Variants in CTBP2 observed in about 807,000 individuals in gnomAD.
CTBP2 encodes C-terminal binding protein 2.
CTBP2 carries 30 observed loss-of-function variants against 80.3 expected under a neutral mutation model. The ratio of observed to expected loss-of-function variants is 0.37; its 90% CI spans 0.28 to 0.51. The LOEUF (loss-of-function observed/expected upper bound fraction) is 0.51. Ranked by LOEUF, CTBP2 falls within the 20% of genes least tolerant of loss-of-function variation. The pLI is 0.93. For missense variants in CTBP2, 1,212 were observed against 1,375.3 expected (o/e 0.88, Z 1.88); for synonymous variants, 594 against 587.4 (o/e 1.01, Z -0.16).
chr10:124,994,778 T>G, intron 4 of CTBP2, 95 bp from the exon 7 acceptor site: 1 of 1,234,846 alleles, frequency 8.1e-7, no homozygotes, highest in Non-Finnish European at 1.2e-6. Context: ...GGGCTTGGCA[T>G]CCCCGCTGGT....
chr10:125,130,562 G>A (rs762919691), intron 1 of CTBP2, among the ~76,000 whole-genome samples: 2 of 152,222 alleles, frequency 1.3e-5, no homozygotes, highest in African/African-American at 2.4e-5. Flanking sequence ...CAAGTCACAC[G>A]TGGGCTGCAC....
At chr10:125,122,167 C>T (rs1194563986) in intron 1 of CTBP2, among the ~76,000 whole-genome samples, 1 of 152,234 alleles carries the variant, frequency 6.6e-6, no homozygotes, top group Non-Finnish European at 1.5e-5. Flanking sequence ...CATCAAGTCA[C>T]TAACACTGGG....
intron 2 of CTBP2, among the ~76,000 whole-genome samples, chr10:125,104,572 C>T (rs530050249): frequency 2.0e-4 from 30 of 152,330 alleles, no homozygotes; most frequent in African/African-American, 7.2e-4. Flanking sequence ...TACCTCCTTA[C>T]ACAGGAGTCC....
At chr10:125,092,430 C>T (rs1325895951) in intron 2 of CTBP2, among the ~76,000 whole-genome samples, 1 of 152,086 alleles carries the variant, frequency 6.6e-6, no homozygotes, top group Admixed American at 6.6e-5. Context: ...ATCCATCCTG[C>T]CTCCACCTCC....
At chr10:125,060,550 G>T (rs1210717912) in intron 2 of CTBP2, among the ~76,000 whole-genome samples, 1 of 152,034 alleles carries the variant, frequency 6.6e-6, no homozygotes, top group East Asian at 1.9e-4. Flanking sequence ...TTCTGAGCAA[G>T]TGAAAAACTT....
At chr10:125,138,431 C>A (rs899643474) in intron 1 of CTBP2, among the ~76,000 whole-genome samples, 1 of 152,090 alleles carries the variant, frequency 6.6e-6, no homozygotes, top group East Asian at 1.9e-4. Flanking sequence ...GAAACACATC[C>A]GCGTTTGGTG....
At chr10:125,039,177 C>G (rs1236197678) in intron 2 of CTBP2, 22 bp from the exon 3 acceptor site, 8 of 818,288 alleles carry the variant, frequency 9.8e-6, no homozygotes, top group Non-Finnish European at 1.4e-5. Flanking sequence ...AGAAAAGAAT[C>G]CTTACTCTCT....
At chr10:125,071,573 A>G (rs1381263956) in intron 2 of CTBP2, among the ~76,000 whole-genome samples, 2 of 152,196 alleles carry the variant, frequency 1.3e-5, no homozygotes, top group African/African-American at 4.8e-5. Flanking sequence ...ACAAGATGCA[A>G]ATTAAAACAG....
At chr10:125,051,315 T>C (rs1590342561) in intron 2 of CTBP2, among the ~76,000 whole-genome samples, 3 of 152,296 alleles carry the variant, frequency 2.0e-5, no homozygotes, top group South Asian at 4.1e-4. Flanking sequence ...ATTTATGGTC[T>C]TGATGTCAAT....
At chr10:125,039,827 A>T (rs1959199367) in intron 2 of CTBP2, among the ~76,000 whole-genome samples, 1 of 152,188 alleles carries the variant, frequency 6.6e-6, no homozygotes, top group Non-Finnish European at 1.5e-5. Context: ...TGGCCTTGAC[A>T]CTTGGTTCCA....
chr10:125,044,039 T>C (rs1042016315), intron 2 of CTBP2, among the ~76,000 whole-genome samples: 4 of 152,036 alleles, frequency 2.6e-5, no homozygotes, highest in African/African-American at 4.8e-5. Flanking sequence ...TAAGCATGAG[T>C]GGGGCGCAGA....
intron 2 of CTBP2, among the ~76,000 whole-genome samples, chr10:125,098,645 A>G (rs1337143362): frequency 9.2e-6 from 1 of 108,970 alleles, no homozygotes; most frequent in Non-Finnish European, 1.9e-5. Context: ...CAGAGAGAGA[A>G]ATGGGGGAGG....
chr10:125,005,662 T>C, intron 1 of CTBP2: 2 of 1,612,928 alleles, frequency 1.2e-6, no homozygotes, highest in Non-Finnish European at 1.7e-6. Context: ...CCGACACACA[T>C]GGCTCCCACC....
chr10:125,042,753 C>A (rs1960196537), intron 2 of CTBP2, among the ~76,000 whole-genome samples: 1 of 152,176 alleles, frequency 6.6e-6, no homozygotes, highest in African/African-American at 2.4e-5. Flanking sequence ...TTTGACACCC[C>A]CTTGCACACT....
At chr10:125,105,680 TA>T (rs373785012) in intron 2 of CTBP2, among the ~76,000 whole-genome samples, 5 of 151,636 alleles carry the variant, frequency 3.3e-5, no homozygotes, top group Non-Finnish European at 7.4e-5. Flanking sequence ...GACATTTTTT[TA>T]AAAAAAAACA....
rs1221361709 is a variant in CTBP2, at chr10:125,012,370, G to A, written c.1679-8878C>T. 2.6e-5 allele frequency among the ~76,000 whole-genome samples: 4 copies of A among 152,184 alleles called. No homozygotes were observed. In the East Asian group the frequency reaches 7.7e-4, roughly 29 times the overall value. ...GGGACGGTCCCTGCAGGGACGGGTG[G>A]TCAGGATCTCATGCACAGGATAGGG... On this transcript the variant is annotated intron_variant, in intron 1 of 8. Coordinates refer to ENST00000309035, the MANE Select transcript of CTBP2 (RefSeq NM_022802.3).
chr10:125,125,242 T>C (rs1239461172), intron 1 of CTBP2, among the ~76,000 whole-genome samples: 1 of 152,230 alleles, frequency 6.6e-6, no homozygotes, highest in African/African-American at 2.4e-5. Context: ...TCCAAACTCA[T>C]TCTCATAAGT....
intron 1 of CTBP2, among the ~76,000 whole-genome samples, chr10:125,007,277 C>T (rs1353246169): frequency 2.0e-5 from 3 of 152,238 alleles, no homozygotes; most frequent in Non-Finnish European, 1.5e-5. Flanking sequence ...TTCAGGCTTG[C>T]GTGTGCACCA....
intron 1 of CTBP2, among the ~76,000 whole-genome samples, chr10:125,025,705 G>T (rs1957464538): frequency 6.6e-6 from 1 of 152,196 alleles, no homozygotes; most frequent in East Asian, 1.9e-4. Flanking sequence ...CTTCTCCAAA[G>T]TTCCCTAGTG....
Sources: allele counts gnomAD v4.1 joint callset (sites outside exome capture counted in the v4.1 genomes callset), GRCh38; gene constraint gnomAD v4.1.1; transcripts MANE v1.5; gene names NCBI Gene and HGNC (gene_info 2026-07-23, HGNC 2026-07-21).